PRKAR1A: variants seen among roughly 807,000 people sequenced by gnomAD.
PRKAR1A encodes protein kinase cAMP-dependent type I regulatory subunit alpha, also known as cAMP-dependent protein kinase type I-alpha regulatory subunit.
Under a neutral mutation model 52.0 loss-of-function variants are expected in PRKAR1A, and 3 were observed. The ratio of observed to expected loss-of-function variants is 0.06; its 90% CI spans 0.03 to 0.15. PRKAR1A has a LOEUF of 0.15. PRKAR1A is among the 10% of genes least tolerant of loss of function. The pLI is 1.00. For synonymous variants in PRKAR1A, 188 were observed against 168.4 expected, an observed-to-expected ratio of 1.12 and a Z score of -0.90; for missense variants, 240 against 477.4, an observed-to-expected ratio of 0.50 and a Z score of 4.63.
In PRKAR1A at chr17:68,515,467, A is replaced by G. The variant is rs770156593; in HGVS notation, c.68A>G (p.Gln23Arg). 4 of 1,613,718 alleles carry G rather than the reference A, an allele frequency of 2.5e-6. 1 individual carries two copies. Among genetic ancestry groups the G allele is most frequent in the South Asian group, 2.2e-5 (2 of 91,052 alleles). The change falls in exon 2 of 11, where the codon CAG becomes CGG. Residue 23 changes from glutamine to arginine, a missense_variant. Physicochemically the swap from Gln to Arg is conservative, Grantham distance 43. This residue lies in a region of PRKAR1A where 107 missense variants were observed against 114.6 expected (regional missense o/e 0.93). Transcript: ENST00000589228. ...RSLRECELYV[Q>R]KHNIQALLKD... ...CTTCGAGAATGTGAGCTCTACGTCCAGAAGCATAACATTCAAGCGCTGCTC... is the reference window on the plus strand; with the variant it reads ...CTTCGAGAATGTGAGCTCTACGTCCGGAAGCATAACATTCAAGCGCTGCTC...
At chr17:68,495,189 G>A in the PRKAR1A span, among the ~76,000 whole-genome samples, 2 of 148,676 alleles carry the variant, frequency 1.3e-5, no homozygotes, top group South Asian at 2.1e-4. Context: ...ACCATGCCCT[G>A]CTAATTTTTT....
Position 68,533,180 on chromosome 17 carries a change from A to G in PRKAR1A, c.*2731A>G, listed in dbSNP as rs1425391233. 3.8e-6 allele frequency: 4 copies of G among 1,049,838 alleles called. No individual in the cohort carries two copies. In the East Asian group the frequency reaches 1.5e-4, roughly 40 times the overall value. 65.0% of individuals were successfully genotyped at this position (1,049,838 alleles called of 1,614,324 possible). On this transcript the variant is annotated 3_prime_UTR_variant, in exon 11 of 11. Coordinates refer to ENST00000589228, the MANE Select transcript of PRKAR1A (RefSeq NM_002734.5). ...GGATACTTTTATATTTTGCATATATAAAGCCTCATATATAAAGCCTTATTT... is the reference window on the plus strand; with the variant it reads ...GGATACTTTTATATTTTGCATATATGAAGCCTCATATATAAAGCCTTATTT...
chr17:68,542,787 G>C, intron 11 of PRKAR1A: 1 of 1,613,984 alleles, frequency 6.2e-7, no homozygotes, highest in Non-Finnish European at 8.5e-7. Context: ...ACTGTTGGCG[G>C]CACCCGTCGG....
At chr17:68,489,022 T>A in the PRKAR1A span, among the ~76,000 whole-genome samples, 3 of 149,436 alleles carry the variant, frequency 2.0e-5, no homozygotes, top group Non-Finnish European at 3.0e-5. Flanking sequence ...TGAAAAAAAA[T>A]GCTCAGATTT....
At chr17:68,484,073 T>C in the PRKAR1A span, among the ~76,000 whole-genome samples, 1 of 152,166 alleles carries the variant, frequency 6.6e-6, no homozygotes, top group African/African-American at 2.4e-5. Context: ...TGCCTTTCCT[T>C]ATGAATTTTG....
the PRKAR1A span, among the ~76,000 whole-genome samples, chr17:68,486,517 CTT>C: frequency 3.7e-4 from 28 of 76,420 alleles, no homozygotes; most frequent in Non-Finnish European, 6.9e-4. Flanking sequence ...TTCTTTCTTT[CTT>C]TCTTTCTTTC....
At chr17:68,507,115 C>G (rs1029782498), upstream of PRKAR1A, among the ~76,000 whole-genome samples, 5 of 152,168 alleles carry the variant, frequency 3.3e-5, no homozygotes, top group Non-Finnish European at 7.3e-5. Flanking sequence ...ACAGTGCCAA[C>G]CTGGATACAT....
At chr17:68,433,429 T>C in the PRKAR1A span, 1 of 1,571,182 alleles carries the variant, frequency 6.4e-7, no homozygotes, top group Non-Finnish European at 8.8e-7. Context: ...CCTGACTCCT[T>C]TCGTTTAATG....
the PRKAR1A span, among the ~76,000 whole-genome samples, chr17:68,450,291 C>A: frequency 2.1e-3 from 315 of 152,324 alleles, 12 homozygotes; most frequent in East Asian, 0.05. Context: ...ACCCAGGGAG[C>A]CCCCACTTCA....
chr17:68,507,188 C>A (rs910038058), upstream of PRKAR1A, among the ~76,000 whole-genome samples: 1 of 152,176 alleles, frequency 6.6e-6, no homozygotes, highest in Non-Finnish European at 1.5e-5. Context: ...TCCTAGTCAA[C>A]GATCATACCA....
chr17:68,469,038 C>T, the PRKAR1A span, among the ~76,000 whole-genome samples: 1 of 152,106 alleles, frequency 6.6e-6, no homozygotes, highest in African/African-American at 2.4e-5. Context: ...AACATCAACA[C>T]CCACTTCCGC....
the PRKAR1A span, chr17:68,457,206 A>G: frequency 4.8e-6 from 5 of 1,032,774 alleles, no homozygotes; most frequent in South Asian, 4.7e-5. Context: ...CAAGATCCCA[A>G]TGCGTCCGAA....
the PRKAR1A span, among the ~76,000 whole-genome samples, chr17:68,439,517 G>C: frequency 6.6e-6 from 1 of 152,084 alleles, no homozygotes; most frequent in Non-Finnish European, 1.5e-5. Flanking sequence ...ACAAGGTTTG[G>C]GGCGATGAAA....
the PRKAR1A span, among the ~76,000 whole-genome samples, chr17:68,474,711 C>A: frequency 6.6e-6 from 1 of 152,092 alleles, no homozygotes; most frequent in South Asian, 2.1e-4. Flanking sequence ...CTGGTAAACA[C>A]GGTGAAACTC....
the PRKAR1A span, among the ~76,000 whole-genome samples, chr17:68,445,166 C>T: frequency 1.3e-5 from 2 of 152,156 alleles, no homozygotes; most frequent in African/African-American, 2.4e-5. Flanking sequence ...GTGATCTGCC[C>T]GCCTCGGCCT....
chr17:68,543,492 CA>C, intron 11 of PRKAR1A: 2 of 737,720 alleles, frequency 2.7e-6, no homozygotes, highest in South Asian at 3.2e-5. Context: ...TCAAAGACAC[CA>C]CGATGAGGCA....
At chr17:68,514,355 C>T (rs2085363315) in intron 1 of PRKAR1A, among the ~76,000 whole-genome samples, 2 of 152,164 alleles carry the variant, frequency 1.3e-5, no homozygotes, top group African/African-American at 4.8e-5. Flanking sequence ...AATTCAGTTG[C>T]TGAGTGGAGG....
intron 9 of PRKAR1A, 46 bp downstream of exon 9, chr17:68,529,037 T>C (rs1600492536): frequency 6.2e-7 from 1 of 1,610,182 alleles, no homozygotes; most frequent in Non-Finnish European, 8.5e-7. Context: ...GGTAAAGAAC[T>C]CAGAATTTAA....
the PRKAR1A span, among the ~76,000 whole-genome samples, chr17:68,487,803 CA>C: frequency 1.1e-3 from 128 of 121,512 alleles, no homozygotes; most frequent in South Asian, 0.01. Context: ...TCATCTCAGA[CA>C]AAAAAAAAAA....
Sources: gnomAD v4.1 joint callset for allele counts (sites outside exome capture counted in the v4.1 genomes callset) on GRCh38, gnomAD v4.1.1 for gene constraint, gnomAD v4.1.1 regional missense constraint, MANE v1.5 for transcripts, NCBI Gene and HGNC (gene_info 2026-07-23, HGNC 2026-07-21) for gene names.